PSMG2: variants seen among roughly 807,000 people sequenced by gnomAD.
PSMG2 encodes the protein CD40 ligand-activated specific transcript 3.
A neutral mutation model predicts 31.5 loss-of-function variants in PSMG2; 21 were observed. The ratio of observed to expected loss-of-function variants is 0.67; its 90% confidence interval spans 0.47 to 0.96. The LOEUF (loss-of-function observed/expected upper bound fraction) is 0.96, where lower values mean the gene tolerates loss of function less well. Among genes scored for constraint, PSMG2 ranks in the 40% least tolerant of loss-of-function variants. The pLI, the probability that PSMG2 is intolerant of heterozygous loss-of-function variation, is 0.00. For synonymous variants in PSMG2, 120 were observed against 110.4 expected (o/e 1.09, Z -0.54); for missense variants, 318 against 321.2 (o/e 0.99, Z 0.08).
intron 1 of PSMG2, among the ~76,000 whole-genome samples, chr18:12,662,849 A>G (rs1176475781): frequency 1.3e-5 from 2 of 152,234 alleles, no homozygotes; most frequent in African/African-American, 2.4e-5. Flanking sequence ...TAGTGTATCA[A>G]TGGGTTCATG....
chr18:12,693,452 C>G (rs962819149), intron 1 of PSMG2, among the ~76,000 whole-genome samples: 7 of 151,876 alleles, frequency 4.6e-5, no homozygotes, highest in Admixed American at 1.3e-4. Context: ...AAAAAACAAG[C>G]TACTACCCCA....
intron 1 of PSMG2, chr18:12,673,043 C>A: frequency 9.8e-7 from 1 of 1,018,900 alleles, no homozygotes; most frequent in Non-Finnish European, 1.2e-6. Context: ...CTTTGATTAC[C>A]TGTTTGTGTA....
intron 1 of PSMG2, among the ~76,000 whole-genome samples, chr18:12,687,639 A>T (rs2039589879): frequency 1.3e-5 from 2 of 151,464 alleles, no homozygotes; most frequent in South Asian, 4.2e-4. Flanking sequence ...TTTTGTAGAG[A>T]TGGGGTTTCA....
upstream of PSMG2, chr18:12,699,735 G>A: frequency 1.5e-6 from 1 of 685,124 alleles, no homozygotes; most frequent in Non-Finnish European, 2.3e-6. Flanking sequence ...ATTTTGGGGG[G>A]AAAAAATGGA....
chr18:12,673,374 C>T (rs1430656417), intron 1 of PSMG2: 9 of 1,603,842 alleles, frequency 5.6e-6, no homozygotes, highest in Admixed American at 1.7e-5. Flanking sequence ...CCTATAATAC[C>T]GAGCGATATT....
intron 3 of PSMG2, among the ~76,000 whole-genome samples, chr18:12,713,644 T>G (rs2040351186): frequency 6.6e-6 from 1 of 152,208 alleles, no homozygotes; most frequent in Admixed American, 6.5e-5. Flanking sequence ...CTCTGCAGAC[T>G]CTACTTGGCC....
intron 1 of PSMG2, among the ~76,000 whole-genome samples, chr18:12,679,652 T>C (rs2039275705): frequency 6.6e-6 from 1 of 152,148 alleles, no homozygotes; most frequent in South Asian, 2.1e-4. Flanking sequence ...TAAAGTACTT[T>C]AAAAAATGTG....
At chr18:12,715,592 G>A (rs1438091230) in intron 3 of PSMG2, among the ~76,000 whole-genome samples, 7 of 151,930 alleles carry the variant, frequency 4.6e-5, no homozygotes, top group African/African-American at 1.2e-4. Context: ...TGCAACCTCC[G>A]TCTCCTGGGT....
intron 4 of PSMG2, 77 bp from the exon 5 acceptor site, chr18:12,720,433 A>G: frequency 1.6e-6 from 2 of 1,226,540 alleles, no homozygotes; most frequent in South Asian, 3.5e-5. Flanking sequence ...GAATATATGG[A>G]GACCAAGAGA....
chr18:12,721,427 T>A (rs951491810), intron 5 of PSMG2, among the ~76,000 whole-genome samples: 3 of 152,220 alleles, frequency 2.0e-5, no homozygotes, highest in African/African-American at 7.2e-5. Context: ...TAACTATATT[T>A]AAGCGTACAA....
chr18:12,718,588 T>C lies in PSMG2; in HGVS notation c.360T>C (p.Val120=). 1 of 1,612,746 alleles carries C rather than the reference T, an allele frequency of 6.2e-7. No homozygotes were observed. The highest frequency in any genetic ancestry group is 8.5e-7 in the Non-Finnish European group (1 of 1,179,196). ...VKSSGCARVI[V]LSSSHSYQRN... Reference sequence around the variant, plus strand: ...GCAGTGGCTGTGCCAGAGTCATTGTTCTTTCAAGCAGTCATTCATATCAGC... The same window carrying C: ...GCAGTGGCTGTGCCAGAGTCATTGTCCTTTCAAGCAGTCATTCATATCAGC... Residue 120 remains valine, a synonymous_variant, in exon 4 of 7, where the codon GTT becomes GTC. Coordinates refer to ENST00000317615, the MANE Select transcript of PSMG2 (RefSeq NM_020232.5).
At chr18:12,694,983 G>A (rs1568029679) in intron 1 of PSMG2, among the ~76,000 whole-genome samples, 1 of 151,846 alleles carries the variant, frequency 6.6e-6, no homozygotes, top group Non-Finnish European at 1.5e-5. Flanking sequence ...CCAAAGTGCT[G>A]GGACTACAGG....
chr18:12,710,412 T>C (rs960559569), intron 2 of PSMG2, among the ~76,000 whole-genome samples: 1 of 152,212 alleles, frequency 6.6e-6, no homozygotes, highest in African/African-American at 2.4e-5. Context: ...AGCAAGTCAG[T>C]ACAAGTTTAT....
At chr18:12,692,925 C>T (rs1043096523) in intron 1 of PSMG2, among the ~76,000 whole-genome samples, 11 of 152,132 alleles carry the variant, frequency 7.2e-5, no homozygotes, top group Non-Finnish European at 1.3e-4. Flanking sequence ...TGGGCTTAAG[C>T]GATCCTCCCA....
chr18:12,667,888 G>A (rs2144955004), intron 1 of PSMG2, among the ~76,000 whole-genome samples: 2 of 134,758 alleles, frequency 1.5e-5, no homozygotes, highest in Admixed American at 7.8e-5. Flanking sequence ...CAAGAAAGCA[G>A]TAAGGGAGAA....
At chr18:12,679,412 A>C (rs948266022) in intron 1 of PSMG2, 1 of 152,244 alleles carries the variant, frequency 6.6e-6, no homozygotes, top group African/African-American at 2.4e-5. Context: ...ACTAGCAGGC[A>C]GGAAGCACAC....
intron 4 of PSMG2, among the ~76,000 whole-genome samples, chr18:12,719,827 G>T (rs901278066): frequency 1.4e-5 from 2 of 147,082 alleles, no homozygotes; most frequent in Non-Finnish European, 3.0e-5. Context: ...GGGTTCAAGC[G>T]GTTCTCCTGC....
chr18:12,702,762 G>C, upstream of PSMG2: 1 of 589,642 alleles, frequency 1.7e-6, no homozygotes, highest in Non-Finnish European at 2.9e-6. Flanking sequence ...TTTTCAAACA[G>C]TGGCGGACAA....
chr18:12,707,245 A>T (rs1464691640), intron 2 of PSMG2, among the ~76,000 whole-genome samples: 1 of 152,182 alleles, frequency 6.6e-6, no homozygotes, highest in Non-Finnish European at 1.5e-5. Context: ...GGTGTGAGCC[A>T]CCGTGCCCAG....
Sources: gnomAD v4.1 joint callset for allele counts (sites outside exome capture counted in the v4.1 genomes callset) on GRCh38, gnomAD v4.1.1 for gene constraint, MANE v1.5 for transcripts, NCBI Gene and HGNC (gene_info 2026-07-23, HGNC 2026-07-21) for gene names.